MAP2K5: variants seen among roughly 807,000 people sequenced by gnomAD.
MAP2K5 encodes dual specificity mitogen-activated protein kinase kinase 5.
A neutral mutation model predicts 83.1 loss-of-function variants in MAP2K5; 49 were observed. The observed-to-expected ratio is 0.59, with a 90% confidence interval of 0.47 to 0.75. The LOEUF (loss-of-function observed/expected upper bound fraction) is 0.75, where lower values mean the gene tolerates loss of function less well. Ranked by LOEUF, MAP2K5 falls within the 30% of genes least tolerant of loss-of-function variation. MAP2K5 has a pLI of 0.00. For synonymous variants in MAP2K5, 202 were observed against 191.8 expected (o/e 1.05, Z -0.44); for missense variants, 457 against 557.5 (o/e 0.82, Z 1.82).
rs564734894 is a variant in MAP2K5, at chr15:67,717,273, A to G, written c.1045-10643A>G. ...TCAAAATGTGCTAGTTACCTTTCAG[A>G]AACTAAGGCCTAGTTTATTTATTAA... On this transcript the variant is annotated intron_variant, in intron 16 of 21. Transcript: ENST00000178640. The surrounding 1 kb of genome is among the most constrained non-coding windows in gnomAD (Gnocchi z 4.1). Among the ~76,000 whole-genome samples the G allele has an allele frequency of 6.6e-6, 1 of 152,354 alleles. No homozygotes were observed. Among genetic ancestry groups the G allele is most frequent in the South Asian group, 2.1e-4 (1 of 4,826 alleles).
chr15:67,607,890 C>T (rs1264507060), intron 8 of MAP2K5, among the ~76,000 whole-genome samples: 1 of 151,948 alleles, frequency 6.6e-6, no homozygotes, highest in Non-Finnish European at 1.5e-5. Flanking sequence ...GCCAATATTG[C>T]TATACAAACA....
In MAP2K5 at chr15:67,753,205, T is replaced by A. The variant is rs114991920; in HGVS notation, c.1134+4604T>A. Among the ~76,000 whole-genome samples the A allele has an allele frequency of 7.9e-3, 1,204 of 152,124 alleles. 21 individuals carry two copies. Among genetic ancestry groups the A allele is most frequent in the African/African-American group, 0.028 (1,152 of 41,512 alleles). ...CACAAAAATTAACTCAAAAAATGGA[T>A]CAAAGACTTAAATGTAAGAGTAAAA... On this transcript the variant is annotated intron_variant, in intron 19 of 21. Transcript: ENST00000178640.
chr15:67,761,466 T>A (rs978193617), intron 19 of MAP2K5, among the ~76,000 whole-genome samples: 1 of 152,222 alleles, frequency 6.6e-6, no homozygotes, highest in African/African-American at 2.4e-5. Context: ...CCAACACTCA[T>A]ACACGCAGCC....
rs565830139 is a variant in MAP2K5 at position 67,665,255 on chromosome 15, G to A, written c.847+610G>A. On this transcript the variant is annotated intron_variant, in intron 13 of 21. Transcript: ENST00000178640. This position sits in a 1 kb window ranked among gnomAD's most constrained non-coding sequence, Gnocchi z 4.2. ...CCTTGTCTAGTAACAGAACACATGA[G>A]AGAATAATCAGATGAGTGTTGAATA... 6.6e-6 allele frequency among the ~76,000 whole-genome samples: 1 copy of A among 152,214 alleles called. No homozygotes were observed. The highest frequency in any genetic ancestry group is 2.1e-4 in the South Asian group (1 of 4,828).
rs1173574837 is a variant in MAP2K5, at chr15:67,738,593, C to A, written c.1075-9638C>A. Among the ~76,000 whole-genome samples, 1 of 152,194 alleles carries A rather than the reference C, an allele frequency of 6.6e-6. No homozygotes were observed. Among genetic ancestry groups the A allele is most frequent in the Non-Finnish European group, 1.5e-5 (1 of 68,028 alleles). On this transcript the variant is annotated intron_variant, in intron 17 of 21. Coordinates refer to ENST00000178640, the MANE Select transcript of MAP2K5 (RefSeq NM_145160.3). The surrounding 1 kb of genome is among the most constrained non-coding windows in gnomAD (Gnocchi z 4.1). Reference sequence around the variant, plus strand: ...CTTGACCTTCTTTCTTTTTGGACTTCAGCCTCCTCACCTGGAAAATGATGG... The same window carrying A: ...CTTGACCTTCTTTCTTTTTGGACTTAAGCCTCCTCACCTGGAAAATGATGG...
chr15:67,659,654 A>G (rs2087185356), intron 12 of MAP2K5, among the ~76,000 whole-genome samples: 1 of 152,136 alleles, frequency 6.6e-6, no homozygotes, highest in African/African-American at 2.4e-5. Context: ...CCAGGAGAGA[A>G]TGAATGCTTT....
chr15:67,799,285 T>C (rs2090660979), intron 21 of MAP2K5, among the ~76,000 whole-genome samples: 1 of 152,288 alleles, frequency 6.6e-6, no homozygotes. Flanking sequence ...GCTCGCTATG[T>C]GGACAGGAAG....
chr15:67,689,498 T>C (rs994019073), intron 13 of MAP2K5, among the ~76,000 whole-genome samples: 3 of 152,144 alleles, frequency 2.0e-5, no homozygotes, highest in Non-Finnish European at 4.4e-5. Context: ...TTTTTTTCTT[T>C]TGAGACAGTG....
intron 7 of MAP2K5, among the ~76,000 whole-genome samples, 188 bp downstream of exon 7, chr15:67,593,162 C>G (rs2085452051): frequency 1.3e-5 from 2 of 152,134 alleles, no homozygotes; most frequent in African/African-American, 4.8e-5. Flanking sequence ...GGGTTTCACT[C>G]CCAGCAGATT....
rs1418285932 is a variant in MAP2K5 at position 67,750,659 on chromosome 15, T to C, written c.1134+2058T>C. 6.6e-6 allele frequency among the ~76,000 whole-genome samples: 1 copy of C among 152,218 alleles called. No individual in the cohort carries two copies. Among genetic ancestry groups the C allele is most frequent in the Non-Finnish European group, 1.5e-5 (1 of 68,028 alleles). On this transcript the variant is annotated intron_variant, in intron 19 of 21. Coordinates refer to ENST00000178640, the MANE Select transcript of MAP2K5 (RefSeq NM_145160.3). This position sits in a 1 kb window ranked among gnomAD's most constrained non-coding sequence, Gnocchi z 4.2. ...AGTTTCTCGGGTAACTCTCTGCACATTATAAGTTTGAAAACCACTTCTCAA... is the reference window on the plus strand; with the variant it reads ...AGTTTCTCGGGTAACTCTCTGCACACTATAAGTTTGAAAACCACTTCTCAA...
chr15:67,674,403 A>G (rs1849806032), intron 13 of MAP2K5, among the ~76,000 whole-genome samples: 1 of 152,160 alleles, frequency 6.6e-6, no homozygotes. Flanking sequence ...TGTCCTTTAA[A>G]TATAATAAAT....
intron 21 of MAP2K5, among the ~76,000 whole-genome samples, chr15:67,797,167 C>T (rs2090619179): frequency 6.6e-6 from 1 of 152,232 alleles, no homozygotes; most frequent in East Asian, 1.9e-4. Context: ...TCACTCCCTT[C>T]TTACATGTTA....
rs971916971 is a variant in MAP2K5, at chr15:67,668,105, A to G, written c.847+3460A>G. Among the ~76,000 whole-genome samples the G allele has an allele frequency of 6.6e-5, 10 of 152,132 alleles. No individual in the cohort carries two copies. Among genetic ancestry groups the G allele is most frequent in the Non-Finnish European group, 1.3e-4 (9 of 68,014 alleles). On this transcript the variant is annotated intron_variant, in intron 13 of 21. Coordinates refer to ENST00000178640, the MANE Select transcript of MAP2K5 (RefSeq NM_145160.3). The surrounding 1 kb of genome is among the most constrained non-coding windows in gnomAD (Gnocchi z 4.0). ...ATGTTATATTCAGTCAGGTGTTACT[A>G]TTGTTTATTTTGCTCTTTTTAAGAT...
chr15:67,572,029 A>G lies in MAP2K5; in HGVS notation c.252+8679A>G, dbSNP rs1288810667. Among the ~76,000 whole-genome samples, 1 of 152,208 alleles carries G rather than the reference A, an allele frequency of 6.6e-6. No homozygotes were observed. ...TAATTACCAAGCGGAGTGATAAATG[A>G]TATAATACACCTAAGCATTAGGTGC... On this transcript the variant is annotated intron_variant, in intron 3 of 21. Transcript: ENST00000178640. This position sits in a 1 kb window ranked among gnomAD's most constrained non-coding sequence, Gnocchi z 4.2.
Position 67,748,654 on chromosome 15 carries a change from G to A in MAP2K5, c.1134+53G>A, listed in dbSNP as rs1036089831. On this transcript the variant is annotated intron_variant, in intron 19 of 21. Transcript: ENST00000178640. The surrounding 1 kb of genome is among the most constrained non-coding windows in gnomAD (Gnocchi z 4.0). ...TCCTAAAGTCATTCCTAATGGTGTG[G>A]AAAGCTTATATTTTGTTTCCTAATG... The A allele has an allele frequency of 6.4e-7, 1 of 1,559,298 alleles. No individual in the cohort carries two copies. The highest frequency in any genetic ancestry group is 8.8e-7 in the Non-Finnish European group (1 of 1,135,310).
chr15:67,569,225 T>C (rs1212659775), intron 3 of MAP2K5, among the ~76,000 whole-genome samples: 1 of 152,220 alleles, frequency 6.6e-6, no homozygotes, highest in Admixed American at 6.5e-5. Flanking sequence ...CTTTCAAATA[T>C]GCCACATATT....
chr15:67,772,389 T>C (rs2090159009), intron 20 of MAP2K5, among the ~76,000 whole-genome samples: 1 of 152,216 alleles, frequency 6.6e-6, no homozygotes, highest in East Asian at 1.9e-4. Context: ...ATATTGCTGC[T>C]TTTTTCACAT....
At chr15:67,569,492 C>T (rs2140975697) in intron 3 of MAP2K5, among the ~76,000 whole-genome samples, 1 of 152,234 alleles carries the variant, frequency 6.6e-6, no homozygotes, top group Admixed American at 6.5e-5. Flanking sequence ...TTTTCTTATC[C>T]TAGTCAAAAA....
rs540133431 is a variant in MAP2K5, at chr15:67,790,498, A to G, written c.1243-16148A>G. On this transcript the variant is annotated intron_variant, in intron 21 of 21. Transcript: ENST00000178640. This position sits in a 1 kb window ranked among gnomAD's most constrained non-coding sequence, Gnocchi z 4.6. The stretch of plus-strand genomic sequence containing the variant: ...CTGCCGTCTTGTCTGTAGGCTGTGC[A>G]CAAGTGCAACAGTTGGGATTCCTTT... Among the ~76,000 whole-genome samples the G allele has an allele frequency of 1.3e-5, 2 of 152,346 alleles. No individual in the cohort carries two copies. Among genetic ancestry groups the G allele is most frequent in the Non-Finnish European group, 2.9e-5 (2 of 68,020 alleles).
Sources: gnomAD v4.1 joint callset for allele counts (sites outside exome capture counted in the v4.1 genomes callset) on GRCh38, gnomAD v4.1.1 for gene constraint, Gnocchi (gnomAD v3.1) non-coding constraint, MANE v1.5 for transcripts, NCBI Gene and HGNC (gene_info 2026-07-23, HGNC 2026-07-21) for gene names.